The following SLC25A26 variants were observed in gnomAD, a reference collection of about 807,000 sequenced individuals.
SLC25A26 encodes solute carrier family 25 member 26.
In SLC25A26, 36 loss-of-function variants were observed where a neutral mutation model predicts 37.8. The ratio of observed to expected loss-of-function variants is 0.95; its 90% CI spans 0.73 to 1.26. SLC25A26 has a LOEUF of 1.26. SLC25A26 is among the 50% of genes most tolerant of loss of function. The pLI is 0.00. For synonymous variants in SLC25A26, 129 were observed against 122.5 expected (o/e 1.05, Z -0.35); for missense variants, 390 against 331.1 (o/e 1.18, Z -1.38).
intron 1 of SLC25A26, among the ~76,000 whole-genome samples, chr3:66,141,050 GACACAC>G (rs35140096): frequency 1.3e-5 from 2 of 148,432 alleles, no homozygotes; most frequent in East Asian, 3.9e-4. Flanking sequence ...ATAGAAACAG[GACACAC>G]ACACACACAC....
chr3:66,327,966 T>G (rs1393594392), intron 5 of SLC25A26, among the ~76,000 whole-genome samples: 7 of 151,886 alleles, frequency 4.6e-5, no homozygotes, highest in African/African-American at 1.7e-4. Flanking sequence ...TTTGTAACCA[T>G]CATGATATGG....
chr3:66,202,950 C>G (rs1026089187), intron 1 of SLC25A26, among the ~76,000 whole-genome samples: 1 of 152,104 alleles, frequency 6.6e-6, no homozygotes, highest in Non-Finnish European at 1.5e-5. Flanking sequence ...ACATGTATTA[C>G]GTTGTTTTTA....
intron 1 of SLC25A26, among the ~76,000 whole-genome samples, chr3:66,165,302 C>T (rs1453014725): frequency 1.3e-5 from 2 of 152,202 alleles, no homozygotes; most frequent in East Asian, 1.9e-4. Flanking sequence ...ACTGCAACCT[C>T]ATGAGAAACT....
upstream of SLC25A26, among the ~76,000 whole-genome samples, chr3:66,218,214 A>G (rs1442699423): frequency 6.6e-6 from 1 of 152,166 alleles, no homozygotes; most frequent in African/African-American, 2.4e-5. Context: ...ATAAAGATGT[A>G]TCATAATATG....
chr3:66,226,136 T>C (rs1319001537), intron 1 of SLC25A26, among the ~76,000 whole-genome samples: 1 of 152,204 alleles, frequency 6.6e-6, no homozygotes, highest in African/African-American at 2.4e-5. Context: ...GATAAAGACA[T>C]ACCCAAGACT....
intron 4 of SLC25A26, 61 bp downstream of exon 4, chr3:66,262,216 A>C (rs568640568): frequency 4.7e-6 from 4 of 846,410 alleles, no homozygotes; most frequent in Admixed American, 5.9e-5. Context: ...GCTAATACGA[A>C]CACTGTGGAT....
In SLC25A26 at chr3:66,233,010, T is replaced by A. The variant is rs565645386; in HGVS notation, c.34-3534T>A. On this transcript the variant is annotated intron_variant, in intron 1 of 9. Coordinates refer to ENST00000354883, the MANE Select transcript of SLC25A26 (RefSeq NM_001379210.1). Reference sequence around the variant, plus strand: ...TTCATGGTGGAGGAAACCGAGACTGTCGGGAATGTTTCCCTTGAGAAGCCA... The same window carrying A: ...TTCATGGTGGAGGAAACCGAGACTGACGGGAATGTTTCCCTTGAGAAGCCA... Among the ~76,000 whole-genome samples the A allele has an allele frequency of 3.3e-5, 5 of 152,334 alleles. No individual in the cohort carries two copies. The South Asian group carries it at 1.0e-3, about 32-fold the overall frequency.
chr3:66,353,864 A>C (rs921905806), intron 6 of SLC25A26, among the ~76,000 whole-genome samples: 1 of 152,216 alleles, frequency 6.6e-6, no homozygotes, highest in African/African-American at 2.4e-5. Context: ...GACGGTGCTT[A>C]CTGGAGGAAG....
intron 3 of SLC25A26, among the ~76,000 whole-genome samples, chr3:66,244,539 A>C (rs1183230123): frequency 6.6e-6 from 1 of 152,254 alleles, no homozygotes; most frequent in Non-Finnish European, 1.5e-5. Flanking sequence ...TTGGAACTTA[A>C]TAACAATAGC....
At chr3:66,209,741 G>T (rs2071249995) in intron 1 of SLC25A26, among the ~76,000 whole-genome samples, 2 of 129,786 alleles carry the variant, frequency 1.5e-5, no homozygotes, top group Non-Finnish European at 3.3e-5. Flanking sequence ...TATTGGTATG[G>T]ATATATATAT....
At chr3:66,278,028 G>C (rs2074215222) in intron 5 of SLC25A26, among the ~76,000 whole-genome samples, 1 of 152,084 alleles carries the variant, frequency 6.6e-6, no homozygotes, top group Admixed American at 6.6e-5. Flanking sequence ...TCCTGGAACA[G>C]AAAAGATTTT....
intron 7 of SLC25A26, among the ~76,000 whole-genome samples, chr3:66,366,643 A>G (rs913081805): frequency 1.3e-5 from 2 of 152,246 alleles, no homozygotes; most frequent in Non-Finnish European, 2.9e-5. Context: ...TAATGGCCAA[A>G]ATAAGTTTGA....
chr3:66,164,979 T>G (rs2070406474), intron 1 of SLC25A26, among the ~76,000 whole-genome samples: 4 of 152,220 alleles, frequency 2.6e-5, no homozygotes, highest in South Asian at 4.1e-4. Flanking sequence ...GATCCATGCC[T>G]CTAGCATTCA....
At chr3:66,136,222 C>T (rs966587150) in intron 1 of SLC25A26, among the ~76,000 whole-genome samples, 2 of 152,152 alleles carry the variant, frequency 1.3e-5, no homozygotes, top group Non-Finnish European at 1.5e-5. Context: ...TGTTGGACTT[C>T]TCCTTTGAAT....
At chr3:66,269,884 C>T (rs1435763601) in intron 5 of SLC25A26, among the ~76,000 whole-genome samples, 5 of 152,250 alleles carry the variant, frequency 3.3e-5, no homozygotes, top group South Asian at 2.1e-4. Flanking sequence ...TTCCAGATAG[C>T]GTGTAAATCC....
chr3:66,343,653 G>T (rs1455910496), intron 5 of SLC25A26, among the ~76,000 whole-genome samples: 1 of 152,228 alleles, frequency 6.6e-6, no homozygotes, highest in Non-Finnish European at 1.5e-5. Flanking sequence ...AGTGCAATTT[G>T]TAGGTGATTT....
chr3:66,355,990 C>T (rs757793924), intron 6 of SLC25A26: 6 of 455,462 alleles, frequency 1.3e-5, no homozygotes, highest in South Asian at 6.2e-5. Flanking sequence ...TATTTTACTA[C>T]ATGTATAAAA....
At chr3:66,205,975 G>C (rs1430346365) in intron 1 of SLC25A26, among the ~76,000 whole-genome samples, 1 of 152,170 alleles carries the variant, frequency 6.6e-6, no homozygotes, top group Non-Finnish European at 1.5e-5. Flanking sequence ...GCGTAATAGA[G>C]CAGGTTAGTG....
chr3:66,318,140 G>T (rs1188506819), intron 5 of SLC25A26, among the ~76,000 whole-genome samples: 4 of 152,166 alleles, frequency 2.6e-5, no homozygotes, highest in African/African-American at 9.7e-5. Context: ...CCTGGCTTTA[G>T]CCCCCTTCCC....
Sources: allele counts gnomAD v4.1 joint callset (sites outside exome capture counted in the v4.1 genomes callset), GRCh38; gene constraint gnomAD v4.1.1; transcripts MANE v1.5; gene names NCBI Gene and HGNC (gene_info 2026-07-23, HGNC 2026-07-21).